The following ADARB2 variants were observed in gnomAD, a reference collection of about 807,000 sequenced individuals.
ADARB2 encodes the protein inactive double-stranded RNA-specific editase B2.
ADARB2 carries 25 observed loss-of-function variants against 62.2 expected under a neutral mutation model. The ratio of observed to expected loss-of-function variants is 0.40; its 90% CI spans 0.29 to 0.56. The LOEUF (loss-of-function observed/expected upper bound fraction) is 0.56. ADARB2 is among the 20% of genes least tolerant of loss of function. ADARB2 has a pLI of 0.43. For missense variants in ADARB2, 1,071 were observed against 1,077.4 expected (o/e 0.99, Z 0.08); for synonymous variants, 572 against 500.8 (o/e 1.14, Z -1.90).
intron 1 of ADARB2, among the ~76,000 whole-genome samples, chr10:1,446,245 T>C (rs1387838736): frequency 1.3e-5 from 2 of 152,250 alleles, no homozygotes; most frequent in African/African-American, 4.8e-5. Context: ...AATATTATTA[T>C]TTTTATGACT....
At position 1,214,279 on chromosome 10, in the gene ADARB2, G is replaced by C. The variant is rs972451751; in HGVS notation, c.1682+2672C>G. ...GTTGCATGGGTTTGCCCCTGTGCCT[G>C]GACCTTCTGGCGTTGTGTAGGTTTG... On this transcript the variant is annotated intron_variant, in intron 7 of 9. Transcript: ENST00000381312. Among the ~76,000 whole-genome samples the C allele has an allele frequency of 4.6e-4, 69 of 148,842 alleles. 1 individual carries two copies. Among genetic ancestry groups the C allele is most frequent in the Non-Finnish European group, 1.6e-4 (11 of 67,078 alleles).
intron 1 of ADARB2, among the ~76,000 whole-genome samples, chr10:1,692,300 T>A (rs1226449047): frequency 6.6e-6 from 1 of 152,202 alleles, no homozygotes; most frequent in Admixed American, 6.5e-5. Context: ...GTTTCCTCCT[T>A]GTATTTGTTT....
intron 1 of ADARB2, among the ~76,000 whole-genome samples, chr10:1,644,464 A>G (rs1438853402): frequency 6.6e-6 from 1 of 152,238 alleles, no homozygotes; most frequent in Non-Finnish European, 1.5e-5. Context: ...GAGCAGGGAG[A>G]AGGAGAAGGA....
intron 1 of ADARB2, among the ~76,000 whole-genome samples, chr10:1,644,343 G>A (rs1214133386): frequency 5.3e-5 from 8 of 152,226 alleles, no homozygotes; most frequent in Non-Finnish European, 1.0e-4. Flanking sequence ...GTCCCCGGGC[G>A]TCTTTCTTAC....
intron 1 of ADARB2, among the ~76,000 whole-genome samples, chr10:1,669,485 C>A (rs1000005250): frequency 2.0e-5 from 3 of 151,650 alleles, no homozygotes; most frequent in Non-Finnish European, 4.4e-5. Context: ...CAGACACACA[C>A]ACACTCACAG....
At chr10:1,667,918 G>T (rs182168849) in intron 1 of ADARB2, among the ~76,000 whole-genome samples, 4 of 152,312 alleles carry the variant, frequency 2.6e-5, no homozygotes, top group South Asian at 2.1e-4. Flanking sequence ...AATGGATCAG[G>T]TGGGGCATCA....
chr10:1,183,661 G>A (rs1041443471), intron 9 of ADARB2, among the ~76,000 whole-genome samples: 1 of 152,326 alleles, frequency 6.6e-6, no homozygotes, highest in Admixed American at 6.5e-5. Context: ...GACAGAGGGG[G>A]ACAGTGGGAG....
chr10:1,341,687 CA>C (rs951905695), intron 3 of ADARB2, among the ~76,000 whole-genome samples: 1 of 151,888 alleles, frequency 6.6e-6, no homozygotes, highest in Non-Finnish European at 1.5e-5. Flanking sequence ...CCACATGCCC[CA>C]CAGCGGGGAT....
At chr10:1,458,040 C>T (rs1316562120) in intron 1 of ADARB2, among the ~76,000 whole-genome samples, 1 of 152,076 alleles carries the variant, frequency 6.6e-6, no homozygotes, top group Non-Finnish European at 1.5e-5. Context: ...ATCGAAGTTC[C>T]CCAAACGCTC....
chr10:1,241,290 T>G (rs1347522550), intron 5 of ADARB2, among the ~76,000 whole-genome samples: 2 of 151,996 alleles, frequency 1.3e-5, no homozygotes, highest in Non-Finnish European at 2.9e-5. Flanking sequence ...TGTGTTAAGG[T>G]GTTGTTTTCA....
At chr10:1,432,961 T>A (rs1218811076) in intron 1 of ADARB2, among the ~76,000 whole-genome samples, 1 of 152,036 alleles carries the variant, frequency 6.6e-6, no homozygotes, top group African/African-American at 2.4e-5. Flanking sequence ...TCCTCAGTTT[T>A]AAAGGAGATC....
intron 3 of ADARB2, among the ~76,000 whole-genome samples, chr10:1,325,848 AC>A (rs1291491804): frequency 6.6e-6 from 1 of 152,132 alleles, no homozygotes; most frequent in Non-Finnish European, 1.5e-5. Context: ...GAATATCCGC[AC>A]CTGAGAACAA....
chr10:1,283,496 G>A (rs1470283023), intron 3 of ADARB2, among the ~76,000 whole-genome samples: 1 of 152,236 alleles, frequency 6.6e-6, no homozygotes, highest in East Asian at 1.9e-4. Context: ...TCCATCATGA[G>A]AATAACTGGT....
At chr10:1,454,754 C>T (rs1175671603) in intron 1 of ADARB2, among the ~76,000 whole-genome samples, 1 of 152,094 alleles carries the variant, frequency 6.6e-6, no homozygotes, top group Non-Finnish European at 1.5e-5. Context: ...GTGGTGATTG[C>T]TCACGACTGT....
intron 7 of ADARB2, among the ~76,000 whole-genome samples, chr10:1,214,147 C>A (rs1232076392): frequency 8.7e-6 from 1 of 115,602 alleles, no homozygotes; most frequent in African/African-American, 3.1e-5. Flanking sequence ...GCACCTGTGT[C>A]CAGCGTAGTG....
chr10:1,627,814 C>G (rs894144059), intron 1 of ADARB2, among the ~76,000 whole-genome samples: 34 of 152,114 alleles, frequency 2.2e-4, no homozygotes, highest in African/African-American at 8.2e-4. Flanking sequence ...CAAATAAAAC[C>G]GAGACACAGC....
chr10:1,421,070 C>T (rs1263164640), intron 1 of ADARB2, among the ~76,000 whole-genome samples: 5 of 151,746 alleles, frequency 3.3e-5, no homozygotes, highest in Non-Finnish European at 7.4e-5. Flanking sequence ...GAAGCTCTCC[C>T]GCCCTTCACC....
intron 3 of ADARB2, among the ~76,000 whole-genome samples, chr10:1,283,986 C>G (rs1185935191): frequency 6.6e-6 from 1 of 152,192 alleles, no homozygotes; most frequent in Non-Finnish European, 1.5e-5. Flanking sequence ...GTAGATCAGT[C>G]TGGCCTGAGT....
chr10:1,723,529 G>T (rs1411085010), intron 1 of ADARB2, among the ~76,000 whole-genome samples: 1 of 152,198 alleles, frequency 6.6e-6, no homozygotes, highest in Admixed American at 6.5e-5. Context: ...AGTTGATGGT[G>T]TCTTAGGTCC....
Sources: gnomAD v4.1 joint callset for allele counts (sites outside exome capture counted in the v4.1 genomes callset) on GRCh38, gnomAD v4.1.1 for gene constraint, MANE v1.5 for transcripts, NCBI Gene and HGNC (gene_info 2026-07-23, HGNC 2026-07-21) for gene names.